The following RBM27 variants were observed in gnomAD, a reference collection of about 807,000 sequenced individuals.
RBM27 encodes the protein RNA binding motif protein 27, also known as RNA-binding protein 27.
A neutral mutation model predicts 135.3 loss-of-function variants in RBM27; 22 were observed. That is an observed-to-expected ratio of 0.16 (90% CI 0.12 to 0.23). The LOEUF is 0.23. RBM27 is among the 10% of genes least tolerant of loss of function. The probability of loss-of-function intolerance (pLI) is 1.00; values close to 1 mark genes in which losing one functional copy is unlikely to be tolerated. For synonymous variants in RBM27, 481 were observed against 442.4 expected (o/e 1.09, Z -1.10); for missense variants, 1,009 against 1,281.0 (o/e 0.79, Z 3.24).
At chr5:146,242,900 A>G (rs780046121) in intron 8 of RBM27, among the ~76,000 whole-genome samples, 10 of 152,042 alleles carry the variant, frequency 6.6e-5, no homozygotes, top group Non-Finnish European at 1.5e-4. Context: ...TCCTGGCCTC[A>G]GTTTTTAATA....
intron 8 of RBM27, among the ~76,000 whole-genome samples, chr5:146,245,505 TA>T (rs1210376031): frequency 6.6e-6 from 1 of 152,212 alleles, no homozygotes; most frequent in Non-Finnish European, 1.5e-5. Context: ...AGTCTTAATA[TA>T]AATTCACATA....
intron 8 of RBM27, 119 bp downstream of exon 8, chr5:146,237,551 G>T (rs1304061991): frequency 2.5e-6 from 3 of 1,191,814 alleles, no homozygotes; most frequent in Non-Finnish European, 3.6e-6. Flanking sequence ...TCTAAAAATT[G>T]TATTTGTGTT....
rs114938868 is a variant in RBM27, at chr5:146,277,825, G to A, written c.2988+6151G>A. On this transcript the variant is annotated intron_variant, in intron 19 of 20. Coordinates refer to ENST00000265271, the MANE Select transcript of RBM27 (RefSeq NM_018989.2). ...TGGGATTACAGGCATGAGCCACCGCGCCTGGCCAATAATTTTTCATTATGT... is the reference window on the plus strand; with the variant it reads ...TGGGATTACAGGCATGAGCCACCGCACCTGGCCAATAATTTTTCATTATGT... 8.1e-3 allele frequency among the ~76,000 whole-genome samples: 1,222 copies of A among 151,792 alleles called. 9 individuals carry two copies. The highest frequency in any genetic ancestry group is 0.01 in the Non-Finnish European group (683 of 67,938).
At chr5:146,253,220 A>G (rs1044615094) in intron 9 of RBM27, among the ~76,000 whole-genome samples, 8 of 151,780 alleles carry the variant, frequency 5.3e-5, no homozygotes, top group Non-Finnish European at 1.0e-4. Flanking sequence ...CTGGTCTCGA[A>G]CTCCTGACCT....
rs1311767110 is a variant in RBM27 at position 146,250,333 on chromosome 5, C to T, written c.1280-1378C>T. On this transcript the variant is annotated intron_variant, in intron 8 of 20. Coordinates refer to ENST00000265271, the MANE Select transcript of RBM27 (RefSeq NM_018989.2). Reference sequence around the variant, plus strand: ...GTGGGCGCCTGTAGTCCCAGCTACTCGGGAGGCTGAGGCAGGAGAATGGCG... The same window carrying T: ...GTGGGCGCCTGTAGTCCCAGCTACTTGGGAGGCTGAGGCAGGAGAATGGCG... 5.4e-5 allele frequency among the ~76,000 whole-genome samples: 8 copies of T among 147,250 alleles called. No individual in the cohort carries two copies. The South Asian group carries it at 6.6e-4, about 12-fold the overall frequency.
chr5:146,261,680 C>T lies in RBM27; in HGVS notation c.2064C>T (p.Leu688=), dbSNP rs150805376. ...CACTACAGTCCTCAGCACAGCTGCT[C>T]CTGCAACAACAGCAAACACTTAGTC... is the stretch of plus-strand genomic sequence containing the variant. ...QPTLQSSAQL[L]LQQQQTLSHL... Residue 688 remains leucine (L), a synonymous_variant, in exon 13 of 21, where the codon CTC becomes CTT. Transcript: ENST00000265271. 4.7e-4 allele frequency: 764 copies of T among 1,614,156 alleles called. 3 individuals are homozygous for T. The African/African-American group carries it at 8.9e-3, about 19-fold the overall frequency.
In RBM27 at chr5:146,258,191, C is replaced by T. The variant is rs373955027; in HGVS notation, c.1595-258C>T. 2.5e-4 allele frequency among the ~76,000 whole-genome samples: 38 copies of T among 152,216 alleles called. No individual in the cohort carries two copies. The East Asian group carries it at 6.2e-3, about 25-fold the overall frequency. ...CATAAATATCTTGTTTTCCAGCAAC[C>T]TTTCACCAATATTTTTTTCATCTAT... On this transcript the variant is annotated intron_variant, in intron 10 of 20. Transcript: ENST00000265271.
At chr5:146,261,861 A>G in intron 13 of RBM27, 55 bp downstream of exon 13, 2 of 1,573,042 alleles carry the variant, frequency 1.3e-6, no homozygotes, top group South Asian at 2.3e-5. Context: ...CTAGATCAGT[A>G]TTTTTCAATT....
chr5:146,238,613 T>C (rs1171608369), intron 8 of RBM27, among the ~76,000 whole-genome samples: 1 of 152,146 alleles, frequency 6.6e-6, no homozygotes, highest in Non-Finnish European at 1.5e-5. Flanking sequence ...TTCAAAAACA[T>C]TTTTTAAAAA....
intron 1 of RBM27, among the ~76,000 whole-genome samples, chr5:146,207,207 G>A (rs1047110915): frequency 6.6e-5 from 10 of 152,060 alleles, no homozygotes; most frequent in African/African-American, 2.4e-4. Flanking sequence ...CTATGACTGT[G>A]CACATGATTT....
intron 14 of RBM27, among the ~76,000 whole-genome samples, chr5:146,263,932 C>G (rs533152527): frequency 6.6e-6 from 1 of 151,128 alleles, no homozygotes; most frequent in South Asian, 2.1e-4. Context: ...TGGCGAAACC[C>G]CCTCTCTACT....
chr5:146,285,783 A>G (rs1759554274), intron 20 of RBM27, among the ~76,000 whole-genome samples, 164 bp from the exon 21 acceptor site: 1 of 145,518 alleles, frequency 6.9e-6, no homozygotes, highest in Non-Finnish European at 1.5e-5. Flanking sequence ...TTACAAAAAT[A>G]TTTTGGGCTT....
At chr5:146,256,435 C>T (rs1255687067) in intron 10 of RBM27, among the ~76,000 whole-genome samples, 4 of 150,766 alleles carry the variant, frequency 2.7e-5, no homozygotes, top group African/African-American at 4.9e-5. Context: ...CTGCAACCTC[C>T]GCCTCCTGGG....
chr5:146,205,090 G>A (rs1221781339), intron 1 of RBM27, among the ~76,000 whole-genome samples: 1 of 152,192 alleles, frequency 6.6e-6, no homozygotes, highest in African/African-American at 2.4e-5. Context: ...TAGAGATGGG[G>A]TTTCGCCTTG....
Position 146,288,418 on chromosome 5 carries a change from T to C in RBM27, c.*2388T>C, listed in dbSNP as rs2126936072. The C allele has an allele frequency of 6.6e-6, 1 of 152,214 alleles. No homozygotes were observed. The highest frequency in any genetic ancestry group is 1.9e-4 in the East Asian group (1 of 5,194). The allele number at this position is 152,214 out of a possible 1,614,324, so 9.4% of individuals were successfully genotyped here. Reference sequence around the variant, plus strand: ...TTAAAAGTGTGCTTTCAAAGAATTTTAAAACATGTTTGACTCAAAGATGAA... The same window carrying C: ...TTAAAAGTGTGCTTTCAAAGAATTTCAAAACATGTTTGACTCAAAGATGAA... On this transcript the variant is annotated 3_prime_UTR_variant, in exon 21 of 21. Transcript: ENST00000265271.
At chr5:146,229,382 C>T (rs1756823822) in intron 4 of RBM27, among the ~76,000 whole-genome samples, 1 of 152,126 alleles carries the variant, frequency 6.6e-6, no homozygotes, top group African/African-American at 2.4e-5. Context: ...TATATTGAAT[C>T]ATCAGCCTAA....
intron 8 of RBM27, among the ~76,000 whole-genome samples, chr5:146,239,882 TCCTC>T (rs1757330278): frequency 6.6e-6 from 1 of 151,140 alleles, no homozygotes; most frequent in Admixed American, 6.6e-5. Flanking sequence ...GGCTAAGTGA[TCCTC>T]CCACCTCAGC....
At chr5:146,281,300 G>A (rs899417529) in intron 19 of RBM27, among the ~76,000 whole-genome samples, 4 of 152,124 alleles carry the variant, frequency 2.6e-5, no homozygotes, top group African/African-American at 9.7e-5. Flanking sequence ...TGTTAGTTAA[G>A]CTTTGTTCAG....
chr5:146,251,480 T>A (rs191855953), intron 8 of RBM27, among the ~76,000 whole-genome samples: 49 of 152,300 alleles, frequency 3.2e-4, no homozygotes, highest in African/African-American at 1.1e-3. Context: ...AAGATGGAGA[T>A]TATATATACT....
Sources: gnomAD v4.1 joint callset for allele counts (sites outside exome capture counted in the v4.1 genomes callset) on GRCh38, gnomAD v4.1.1 for gene constraint, MANE v1.5 for transcripts, NCBI Gene and HGNC (gene_info 2026-07-23, HGNC 2026-07-21) for gene names.